The following PLEKHM1 variants were observed in gnomAD, a reference collection of about 807,000 sequenced individuals.
PLEKHM1 encodes pleckstrin homology domain-containing family M member 1.
In PLEKHM1, 28 loss-of-function variants were observed where a neutral mutation model predicts 94.3. The observed-to-expected ratio is 0.30, with a 90% CI of 0.22 to 0.41. The LOEUF (loss-of-function observed/expected upper bound fraction) is 0.41. Ranked by LOEUF, PLEKHM1 falls within the 10% of genes least tolerant of loss-of-function variation. PLEKHM1 has a pLI of 1.00. For synonymous variants in PLEKHM1, 424 were observed against 581.2 expected (o/e 0.73, Z 3.89); for missense variants, 907 against 1,358.6 (o/e 0.67, Z 5.22).
chr17:45,462,769 C>A (rs2145258806), intron 5 of PLEKHM1, among the ~76,000 whole-genome samples: 1 of 152,082 alleles, frequency 6.6e-6, no homozygotes, highest in Non-Finnish European at 1.5e-5. Flanking sequence ...AGGAAGGAGA[C>A]AAATGTAAAT....
rs1597939986 is a variant in PLEKHM1 at position 45,453,457 on chromosome 17, C to T, written c.2395G>A (p.Glu799Lys). ...LGGSLDENCQ[E>K]VLKFATRENG... ...TCCCGGGTGGCAAATTTCAGCACCT[C>T]CTGACAGTTTTCATCCAGGCTCCCG... Residue 799 changes from glutamate to lysine, a missense_variant, in exon 7 of 12, where the codon GAG (glutamate) becomes AAG (lysine). By Grantham distance (56) the Glu-to-Lys change is moderately conservative. Coordinates refer to ENST00000430334, the MANE Select transcript of PLEKHM1 (RefSeq NM_014798.3). The surrounding 1 kb of genome is among the most constrained non-coding windows in gnomAD (Gnocchi z 4.1). 1 of 1,609,998 alleles carries T rather than the reference C, an allele frequency of 6.2e-7. No individual in the cohort carries two copies.
intron 1 of PLEKHM1, among the ~76,000 whole-genome samples, chr17:45,486,125 G>A (rs1197497235): frequency 1.3e-3 from 202 of 149,682 alleles, no homozygotes; most frequent in Non-Finnish European, 2.4e-3. Flanking sequence ...GCTGAGGCAG[G>A]AGAATGGCGT....
In PLEKHM1 at chr17:45,437,122, G is replaced by C. The variant is rs1429438321; in HGVS notation, c.*736C>G. The C allele has an allele frequency of 8.8e-6, 4 of 454,488 alleles. No homozygotes were observed. The highest frequency in any genetic ancestry group is 6.9e-5 in the East Asian group (1 of 14,402). The allele number at this position is 454,488 out of a possible 1,614,324, so 28.2% of individuals were successfully genotyped here. A position where few individuals can be genotyped will look rare whatever the true frequency, so the allele number is the denominator to read the frequency against. On this transcript the variant is annotated 3_prime_UTR_variant, in exon 12 of 12. Transcript: ENST00000430334. The surrounding 1 kb of genome is among the most constrained non-coding windows in gnomAD (Gnocchi z 4.0). Reference sequence around the variant, plus strand: ...CTAATGGGGCCAAGGCCCCAGGCTAGAGAAGAGCTAGGGGCTCTGACGCTG... The same window carrying C: ...CTAATGGGGCCAAGGCCCCAGGCTACAGAAGAGCTAGGGGCTCTGACGCTG...
In PLEKHM1 at chr17:45,451,752, G is replaced by A. The variant is rs571728114; in HGVS notation, c.2498-989C>T. Among the ~76,000 whole-genome samples, 728 of 152,154 alleles carry A rather than the reference G, an allele frequency of 4.8e-3. 4 individuals are homozygous for A. Among genetic ancestry groups the A allele is most frequent in the African/African-American group, 0.017 (687 of 41,494 alleles). ...ACTCCCCGGTGGCACAGTCCCACCC[G>A]CTGGTGGGTGGCAGCCATGGTGAGA... is the stretch of plus-strand genomic sequence containing the variant. On this transcript the variant is annotated intron_variant, in intron 7 of 11. Transcript: ENST00000430334.
intron 1 of PLEKHM1, among the ~76,000 whole-genome samples, 196 bp from the exon 2 acceptor site, chr17:45,482,721 G>T (rs913452317): frequency 6.6e-6 from 1 of 152,196 alleles, no homozygotes; most frequent in African/African-American, 2.4e-5. Flanking sequence ...GGGCTTAGTC[G>T]TTGGGAGGCA....
chr17:45,452,126 G>GGTGATGGGAT (rs973589371), intron 7 of PLEKHM1, among the ~76,000 whole-genome samples: 20 of 152,298 alleles, frequency 1.3e-4, no homozygotes, highest in African/African-American at 4.8e-4. Flanking sequence ...AGGGTCCCAT[G>GGTGATGGGAT]GTGATGGGAT....
chr17:45,481,163 G>A (rs1332888038), intron 2 of PLEKHM1, among the ~76,000 whole-genome samples: 1 of 152,108 alleles, frequency 6.6e-6, no homozygotes, highest in African/African-American at 2.4e-5. Context: ...GATGTCTAAT[G>A]ATAATGAGCA....
intron 3 of PLEKHM1, among the ~76,000 whole-genome samples, chr17:45,476,394 A>G (rs2145325456): frequency 6.6e-6 from 1 of 152,098 alleles, no homozygotes; most frequent in South Asian, 2.1e-4. Flanking sequence ...ACTGATGGAA[A>G]AAGGCATAAA....
chr17:45,441,823 G>A (rs912484589), intron 9 of PLEKHM1, among the ~76,000 whole-genome samples: 1 of 152,214 alleles, frequency 6.6e-6, no homozygotes, highest in Non-Finnish European at 1.5e-5. Flanking sequence ...AACCCTCTTT[G>A]TCCTCTGGCG....
chr17:45,468,444 G>A lies in PLEKHM1; in HGVS notation c.1073C>T (p.Pro358Leu), dbSNP rs1484716916. ...TYLHCEAPAEPLPAQAASGTQ... is the reference protein window; with the variant it reads ...TYLHCEAPAELLPAQAASGTQ... ...TCCAGAGGCTGCCTGGGCAGGAAGG[G>A]GCTCTGCAGGTGCCTCACAGTGCAG... is the stretch of plus-strand genomic sequence containing the variant. Residue 358 changes from proline to leucine, a missense_variant, in exon 5 of 12, where the codon CCC becomes CTC. Coordinates refer to ENST00000430334, the MANE Select transcript of PLEKHM1 (RefSeq NM_014798.3). The A allele has an allele frequency of 2.5e-6, 4 of 1,614,232 alleles. No individual in the cohort carries two copies. The highest frequency in any genetic ancestry group is 3.4e-6 in the Non-Finnish European group (4 of 1,180,040).
chr17:45,459,877 C>T (rs1046370761), intron 5 of PLEKHM1: 3 of 145,254 alleles, frequency 2.1e-5, no homozygotes, highest in Admixed American at 7.1e-5. Context: ...TGTGACCCCC[C>T]CACAAAAGGA....
In PLEKHM1 at chr17:45,445,048, T is replaced by C. The variant is rs907635808; in HGVS notation, c.2837+422A>G. On this transcript the variant is annotated intron_variant, in intron 9 of 11. Transcript: ENST00000430334. The surrounding 1 kb of genome is among the most constrained non-coding windows in gnomAD (Gnocchi z 4.2). ...TTCCGGCGGGTCGGCCCTGGCTCTG[T>C]CCTGCTCATTGTTGGAGCCTACATG... Among the ~76,000 whole-genome samples, 3 of 152,276 alleles carry C rather than the reference T, an allele frequency of 2.0e-5. No individual in the cohort carries two copies. The highest frequency in any genetic ancestry group is 2.9e-5 in the Non-Finnish European group (2 of 68,046).
chr17:45,474,594 C>T (rs1271960807), intron 4 of PLEKHM1, among the ~76,000 whole-genome samples: 2 of 152,210 alleles, frequency 1.3e-5, no homozygotes, highest in Admixed American at 1.3e-4. Flanking sequence ...TATTAGTTTC[C>T]TTCCTTCTAG....
intron 9 of PLEKHM1, among the ~76,000 whole-genome samples, chr17:45,443,008 A>G (rs993624977): frequency 1.8e-4 from 27 of 152,234 alleles, no homozygotes; most frequent in South Asian, 1.0e-3. Context: ...TGGTGTGGCA[A>G]CATGTGTGTG....
rs1345049802 is a variant in PLEKHM1 at position 45,480,127 on chromosome 17, T to C, written c.49-1980A>G. On this transcript the variant is annotated intron_variant, in intron 2 of 11. Coordinates refer to ENST00000430334, the MANE Select transcript of PLEKHM1 (RefSeq NM_014798.3). ...CCATAAAATACACCCATTTAAAGTA[T>C]ACAGTTCAATTGTTTCTAGTATATT... is the stretch of plus-strand genomic sequence containing the variant. 3.9e-5 allele frequency among the ~76,000 whole-genome samples: 6 copies of C among 152,326 alleles called. No homozygotes were observed. The East Asian group carries it at 1.2e-3, about 29-fold the overall frequency.
chr17:45,480,157 C>T (rs1457663012), intron 2 of PLEKHM1, among the ~76,000 whole-genome samples: 1 of 152,204 alleles, frequency 6.6e-6, no homozygotes, highest in Non-Finnish European at 1.5e-5. Context: ...TATATTCACA[C>T]AATTGTGCAA....
At chr17:45,488,078 C>T (rs919506677) in intron 1 of PLEKHM1, among the ~76,000 whole-genome samples, 1 of 152,198 alleles carries the variant, frequency 6.6e-6, no homozygotes, top group Non-Finnish European at 1.5e-5. Context: ...GGGGTTGGAG[C>T]TTTGAAGCAA....
chr17:45,439,371 A>T, intron 11 of PLEKHM1, 106 bp downstream of exon 11: 2 of 1,286,652 alleles, frequency 1.6e-6, no homozygotes, highest in Non-Finnish European at 2.2e-6. Context: ...GATGTTCAAT[A>T]AGTTCCTGCC....
In PLEKHM1 at chr17:45,475,266, T is replaced by G. The variant is rs2051680409; in HGVS notation, c.757A>C (p.Ser253Arg). The change falls in exon 4 of 12, where the codon AGC becomes CGC. Residue 253 changes from serine (S) to arginine (R), a missense_variant. Around this residue, in one of 3 missense-constraint regions of PLEKHM1, gnomAD observed 477 missense variants for 601.5 expected, o/e 0.79. Coordinates refer to ENST00000430334, the MANE Select transcript of PLEKHM1 (RefSeq NM_014798.3). ...RNQKLTASSL[S>R]LDTASSSQLS... The stretch of plus-strand genomic sequence containing the variant: ...TGGGATGAACTGGCCGTGTCCAGGC[T>G]GAGGGAGGAGGCAGTCAGCTTCTGG... The G allele has an allele frequency of 9.9e-6, 16 of 1,613,998 alleles. No individual in the cohort carries two copies. Among genetic ancestry groups the G allele is most frequent in the Non-Finnish European group, 1.1e-5 (13 of 1,179,872 alleles).
Sources: gnomAD v4.1 joint callset for allele counts (sites outside exome capture counted in the v4.1 genomes callset) on GRCh38, gnomAD v4.1.1 for gene constraint, gnomAD v4.1.1 regional missense constraint, Gnocchi (gnomAD v3.1) non-coding constraint, MANE v1.5 for transcripts, NCBI Gene and HGNC (gene_info 2026-07-23, HGNC 2026-07-21) for gene names.